MAN1A2: variants seen among roughly 807,000 people sequenced by gnomAD.
MAN1A2 encodes mannosyl-oligosaccharide 1,2-alpha-mannosidase IB.
MAN1A2 carries 26 observed loss-of-function variants against 75.7 expected under a neutral mutation model. The ratio of observed to expected loss-of-function variants is 0.34; its 90% confidence interval spans 0.25 to 0.48. The LOEUF is 0.48. MAN1A2 is among the 20% of genes least tolerant of loss of function. MAN1A2 has a pLI of 0.99. For missense variants in MAN1A2, 562 were observed against 775.5 expected (o/e 0.72, Z 3.27); for synonymous variants, 247 against 264.6 (o/e 0.93, Z 0.65).
At chr1:117,468,669 C>T (rs1476240425) in intron 8 of MAN1A2, among the ~76,000 whole-genome samples, 1 of 152,070 alleles carries the variant, frequency 6.6e-6, no homozygotes, top group East Asian at 1.9e-4. Context: ...TTGGACAGGG[C>T]AGTTTTTAAA....
At chr1:117,439,881 A>C (rs181234407) in intron 5 of MAN1A2, among the ~76,000 whole-genome samples, 1 of 152,364 alleles carries the variant, frequency 6.6e-6, no homozygotes, top group Non-Finnish European at 1.5e-5. Flanking sequence ...AGAAGTATAA[A>C]TTAGTAAAGC....
chr1:117,510,276 G>A (rs1651495001), intron 12 of MAN1A2, among the ~76,000 whole-genome samples: 1 of 151,946 alleles, frequency 6.6e-6, no homozygotes, highest in Admixed American at 6.6e-5. Context: ...CTATAATTAA[G>A]CAAAATAAGC....
intron 6 of MAN1A2, among the ~76,000 whole-genome samples, chr1:117,455,530 T>C (rs1649550917): frequency 6.6e-6 from 1 of 152,144 alleles, no homozygotes; most frequent in Non-Finnish European, 1.5e-5. Context: ...AACCAGATCC[T>C]ACACTTGGCT....
intron 6 of MAN1A2, among the ~76,000 whole-genome samples, chr1:117,442,994 A>G (rs928869763): frequency 3.1e-4 from 47 of 152,306 alleles, no homozygotes; most frequent in African/African-American, 1.1e-3. Context: ...TAATGTCAAC[A>G]TATTTGAACT....
At chr1:117,386,024 A>T (rs139627937) in intron 1 of MAN1A2, among the ~76,000 whole-genome samples, 2 of 152,292 alleles carry the variant, frequency 1.3e-5, no homozygotes, top group Admixed American at 6.5e-5. Flanking sequence ...CATTGCTTAC[A>T]CATAGGTGAT....
chr1:117,501,767 G>A (rs547817595), intron 11 of MAN1A2, among the ~76,000 whole-genome samples: 3 of 151,872 alleles, frequency 2.0e-5, no homozygotes, highest in Admixed American at 6.6e-5. Flanking sequence ...ATGTTAATTA[G>A]CTTTTCATAG....
At chr1:117,431,696 C>G (rs964454380) in intron 5 of MAN1A2, among the ~76,000 whole-genome samples, 1 of 152,152 alleles carries the variant, frequency 6.6e-6, no homozygotes, top group Non-Finnish European at 1.5e-5. Context: ...TGCCTGTAAT[C>G]CCAGCACTTT....
chr1:117,527,205 G>A lies in MAN1A2; in HGVS notation c.*4248G>A, dbSNP rs189129014. On this transcript the variant is annotated 3_prime_UTR_variant, in exon 13 of 13. Transcript: ENST00000356554. Reference sequence around the variant, plus strand: ...AGCCAGCTTCCAGATAATATTTTAGGCTATGAGAGCTATACAGTCTCTCTT... The same window carrying A: ...AGCCAGCTTCCAGATAATATTTTAGACTATGAGAGCTATACAGTCTCTCTT... The A allele has an allele frequency of 2.5e-4, 38 of 151,666 alleles. No homozygotes were observed. The highest frequency in any genetic ancestry group is 2.1e-3 in the Admixed American group (32 of 15,192). The allele number at this position is 151,666 out of a possible 1,614,324, so 9.4% of individuals were successfully genotyped here. A position where few individuals can be genotyped will look rare whatever the true frequency, so the allele number is the denominator to read the frequency against.
chr1:117,392,180 A>AT (rs1178138604), intron 1 of MAN1A2, among the ~76,000 whole-genome samples: 1 of 151,782 alleles, frequency 6.6e-6, no homozygotes, highest in Non-Finnish European at 1.5e-5. Flanking sequence ...AGTGCCTTGC[A>AT]TTTTTCCCCA....
At chr1:117,498,749 T>A (rs2101878787) in intron 10 of MAN1A2, among the ~76,000 whole-genome samples, 1 of 152,004 alleles carries the variant, frequency 6.6e-6, no homozygotes, top group South Asian at 2.1e-4. Flanking sequence ...ATCCTTTAAT[T>A]AAAAAGTACA....
intron 9 of MAN1A2, chr1:117,495,006 T>G (rs1362264794): frequency 1.3e-5 from 2 of 151,664 alleles, no homozygotes; most frequent in African/African-American, 4.8e-5. Context: ...TTTTGTCTGT[T>G]TTCTTGTAAT....
intron 1 of MAN1A2, among the ~76,000 whole-genome samples, chr1:117,380,074 G>C (rs957332983): frequency 6.6e-6 from 1 of 152,050 alleles, no homozygotes; most frequent in African/African-American, 2.4e-5. Context: ...AGACATTTCT[G>C]TAGCAGCTGA....
intron 10 of MAN1A2, 68 bp downstream of exon 10, chr1:117,497,050 TAAG>T: frequency 1.5e-6 from 2 of 1,321,876 alleles, no homozygotes; most frequent in Middle Eastern, 2.5e-4. Flanking sequence ...TGTTCAGCAA[TAAG>T]AAGGAGAATA....
chr1:117,397,641 C>T (rs1423534738), intron 1 of MAN1A2, among the ~76,000 whole-genome samples: 1 of 111,170 alleles, frequency 9.0e-6, no homozygotes, highest in Non-Finnish European at 2.0e-5. Context: ...CTGTTTATAA[C>T]CCCCTTTTTT....
At chr1:117,458,487 A>ATC (rs1649674729) in intron 6 of MAN1A2, among the ~76,000 whole-genome samples, 4 of 52,852 alleles carry the variant, frequency 7.6e-5, no homozygotes, top group East Asian at 4.8e-4. Flanking sequence ...GATGAGAAAT[A>ATC]TATATATATC....
chr1:117,404,337 C>T (rs944114904), intron 2 of MAN1A2, among the ~76,000 whole-genome samples: 2 of 152,024 alleles, frequency 1.3e-5, no homozygotes, highest in South Asian at 2.1e-4. Context: ...TTATATAATT[C>T]GTCTGATATA....
intron 1 of MAN1A2, among the ~76,000 whole-genome samples, chr1:117,395,090 C>T (rs1190950227): frequency 6.6e-6 from 1 of 152,138 alleles, no homozygotes; most frequent in Non-Finnish European, 1.5e-5. Context: ...TTTCTGTTCA[C>T]ACGTATGAAT....
Position 117,402,274 on chromosome 1 carries a change from G to C in MAN1A2, c.391G>C (p.Glu131Gln), listed in dbSNP as rs1382492659. The C allele has an allele frequency of 1.2e-6, 2 of 1,613,712 alleles. No individual in the cohort carries two copies. The highest frequency in any genetic ancestry group is 3.3e-5 in the Admixed American group (2 of 59,974). ...EAKEKLRKSR[E>Q]EIRAEIQTEK... The stretch of plus-strand genomic sequence containing the variant: ...AAAAGAAAAATTAAGAAAGTCAAGA[G>C]AGGAAATTCGAGCAGAAATTCAGAC... The change falls in exon 2 of 13, where the codon GAG (glutamate) becomes CAG (glutamine). Residue 131 changes from glutamate (E) to glutamine (Q), a missense_variant. By Grantham distance (29) the Glu-to-Gln change is conservative. Transcript: ENST00000356554.
chr1:117,375,281 T>A (rs938541136), intron 1 of MAN1A2, among the ~76,000 whole-genome samples: 3 of 152,142 alleles, frequency 2.0e-5, no homozygotes, highest in African/African-American at 7.2e-5. Context: ...TTTAAAAAAA[T>A]TTATTTTAAT....
Sources: gnomAD v4.1 joint callset for allele counts (sites outside exome capture counted in the v4.1 genomes callset) on GRCh38, gnomAD v4.1.1 for gene constraint, MANE v1.5 for transcripts, NCBI Gene and HGNC (gene_info 2026-07-23, HGNC 2026-07-21) for gene names.